PCDH9: variants seen among roughly 807,000 people sequenced by gnomAD.
The protein encoded by PCDH9 is protocadherin-9.
In PCDH9, 24 loss-of-function variants were observed where a neutral mutation model predicts 70.6. The ratio of observed to expected loss-of-function variants is 0.34; its 90% CI spans 0.25 to 0.48. The LOEUF is 0.48. Ranked by LOEUF, PCDH9 falls within the 20% of genes least tolerant of loss-of-function variation. The probability of loss-of-function intolerance (pLI) is 0.99; values close to 1 mark genes in which losing one functional copy is unlikely to be tolerated. For missense variants in PCDH9, 1,281 were observed against 1,503.6 expected (o/e 0.85, Z 2.45); for synonymous variants, 562 against 558.5 (o/e 1.01, Z -0.09).
rs987601167 is a variant in PCDH9, at chr13:66,963,659, A to G, written c.3037-60054T>C. 5.3e-5 allele frequency among the ~76,000 whole-genome samples: 8 copies of G among 152,204 alleles called. No homozygotes were observed. The East Asian group carries it at 1.2e-3, about 22-fold the overall frequency. ...AGAGATTATGTGATATAATATTCAA[A>G]TAATCTTATAAACACATGGGTTAAG... On this transcript the variant is annotated intron_variant, in intron 2 of 4. Transcript: ENST00000377865.
At chr13:66,724,800 C>T (rs898547137) in intron 3 of PCDH9, among the ~76,000 whole-genome samples, 2 of 152,134 alleles carry the variant, frequency 1.3e-5, no homozygotes, top group Non-Finnish European at 2.9e-5. Context: ...TATCTAGTGT[C>T]TCTCCCAAAA....
chr13:66,524,401 A>G (rs943284802), intron 4 of PCDH9, among the ~76,000 whole-genome samples: 1 of 152,012 alleles, frequency 6.6e-6, no homozygotes, highest in Non-Finnish European at 1.5e-5. Context: ...ATGGAAGACT[A>G]AAATTTTATT....
intron 3 of PCDH9, among the ~76,000 whole-genome samples, chr13:66,696,513 T>C (rs1452939666): frequency 1.3e-5 from 2 of 152,192 alleles, no homozygotes; most frequent in East Asian, 3.8e-4. Context: ...CAGTATGCCT[T>C]GTTCATTTCA....
intron 3 of PCDH9, among the ~76,000 whole-genome samples, chr13:66,697,559 A>G (rs556228049): frequency 6.6e-6 from 1 of 152,332 alleles, no homozygotes; most frequent in Non-Finnish European, 1.5e-5. Context: ...CAATAGGAGC[A>G]TTATTGACAT....
chr13:66,394,374 T>A (rs895913455), intron 4 of PCDH9, among the ~76,000 whole-genome samples: 1 of 152,302 alleles, frequency 6.6e-6, no homozygotes, highest in East Asian at 1.9e-4. Flanking sequence ...TCTGGTGGAA[T>A]ACCTACATGC....
At chr13:66,721,989 G>A (rs2078947357) in intron 3 of PCDH9, among the ~76,000 whole-genome samples, 1 of 152,012 alleles carries the variant, frequency 6.6e-6, no homozygotes. Context: ...GACCTCAAGG[G>A]GACATCCTAG....
intron 2 of PCDH9, among the ~76,000 whole-genome samples, chr13:67,173,404 T>C (rs1225150690): frequency 6.6e-6 from 1 of 152,114 alleles, no homozygotes; most frequent in Admixed American, 6.6e-5. Flanking sequence ...GAAAGATATA[T>C]CCTTTAAGAT....
chr13:66,872,546 G>A (rs894981692), intron 3 of PCDH9, among the ~76,000 whole-genome samples: 69 of 151,720 alleles, frequency 4.5e-4, no homozygotes, highest in African/African-American at 1.5e-3. Flanking sequence ...AAAACAGCAC[G>A]AAGAAATTTT....
intron 3 of PCDH9, among the ~76,000 whole-genome samples, chr13:66,656,492 TC>T (rs1385068460): frequency 3.8e-4 from 58 of 152,360 alleles, no homozygotes; most frequent in African/African-American, 1.4e-3. Context: ...TCTGCAGTTT[TC>T]TTTTGAAAGC....
intron 2 of PCDH9, among the ~76,000 whole-genome samples, chr13:67,034,652 G>C (rs972769800): frequency 4.7e-5 from 7 of 150,404 alleles, no homozygotes; most frequent in African/African-American, 1.5e-4. Flanking sequence ...TTTTATGCTA[G>C]AAAGTCCTTC....
At chr13:66,682,972 C>T (rs949467537) in intron 3 of PCDH9, among the ~76,000 whole-genome samples, 3 of 152,120 alleles carry the variant, frequency 2.0e-5, no homozygotes, top group African/African-American at 7.2e-5. Flanking sequence ...CTTACTCTGG[C>T]TTTTATTAGT....
intron 3 of PCDH9, among the ~76,000 whole-genome samples, chr13:66,760,969 A>T (rs780522789): frequency 5.3e-5 from 8 of 152,022 alleles, no homozygotes; most frequent in Non-Finnish European, 8.8e-5. Flanking sequence ...CTGCTCCTGA[A>T]CCCTGTTTCC....
chr13:66,458,736 C>T (rs946338172), intron 4 of PCDH9, among the ~76,000 whole-genome samples: 1 of 151,938 alleles, frequency 6.6e-6, no homozygotes, highest in African/African-American at 2.4e-5. Flanking sequence ...TTCGAAGAGT[C>T]CAAGCTTGCT....
intron 3 of PCDH9, among the ~76,000 whole-genome samples, chr13:66,850,032 C>T (rs2081288358): frequency 6.6e-6 from 1 of 152,060 alleles, no homozygotes; most frequent in Admixed American, 6.5e-5. Flanking sequence ...CAATTTTCCA[C>T]TTACCAATTT....
At chr13:66,406,810 C>CAT (rs1215163352) in intron 4 of PCDH9, among the ~76,000 whole-genome samples, 27 of 152,214 alleles carry the variant, frequency 1.8e-4, no homozygotes, top group Non-Finnish European at 3.2e-4. Context: ...CAGCAAGATG[C>CAT]ATATATATAT....
At chr13:66,581,860 C>T (rs2076896527) in intron 4 of PCDH9, among the ~76,000 whole-genome samples, 1 of 152,160 alleles carries the variant, frequency 6.6e-6, no homozygotes, top group Admixed American at 6.5e-5. Flanking sequence ...ATACCGTCCA[C>T]CAGTCATCCT....
chr13:66,552,295 T>C (rs991495167), intron 4 of PCDH9, among the ~76,000 whole-genome samples: 9 of 152,168 alleles, frequency 5.9e-5, no homozygotes, highest in African/African-American at 2.2e-4. Context: ...CTTTAGTGTT[T>C]AGTTCAGTGG....
intron 2 of PCDH9, among the ~76,000 whole-genome samples, chr13:67,006,667 T>C (rs981795341): frequency 6.6e-6 from 1 of 152,214 alleles, no homozygotes; most frequent in Non-Finnish European, 1.5e-5. Flanking sequence ...ATTAAGGTCA[T>C]TTATTCTAAA....
At chr13:66,359,537 GA>G (rs1277449932) in intron 4 of PCDH9, among the ~76,000 whole-genome samples, 1 of 151,928 alleles carries the variant, frequency 6.6e-6, no homozygotes, top group East Asian at 1.9e-4. Flanking sequence ...AGCCCTTTCA[GA>G]ACAACAATAA....
Sources: gnomAD v4.1 joint callset for allele counts (sites outside exome capture counted in the v4.1 genomes callset) on GRCh38, gnomAD v4.1.1 for gene constraint, MANE v1.5 for transcripts, NCBI Gene and HGNC (gene_info 2026-07-23, HGNC 2026-07-21) for gene names.